RAB27A: variants seen among roughly 807,000 people sequenced by gnomAD.
The protein encoded by RAB27A is ras-related protein Rab-27A.
A neutral mutation model predicts 20.8 loss-of-function variants in RAB27A; 17 were observed. The observed-to-expected ratio is 0.82, with a 90% confidence interval of 0.56 to 1.23. The LOEUF (loss-of-function observed/expected upper bound fraction) is 1.23. Among genes scored for constraint, RAB27A ranks in the 50% most tolerant of loss-of-function variants. The probability of loss-of-function intolerance (pLI) is 0.00; values close to 1 mark genes in which losing one functional copy is unlikely to be tolerated. For synonymous variants in RAB27A, 85 were observed against 92.8 expected (o/e 0.92, Z 0.48); for missense variants, 277 against 266.7 (o/e 1.04, Z -0.27).
At chr15:55,224,122 G>T in intron 5 of RAB27A, 110 bp from the exon 6 acceptor site, 1 of 811,304 alleles carries the variant, frequency 1.2e-6, no homozygotes, top group Non-Finnish European at 2.0e-6. Context: ...TATAGATATT[G>T]GGAATTGACA....
At chr15:55,262,023 C>A (rs576125774) in intron 2 of RAB27A, among the ~76,000 whole-genome samples, 2 of 144,896 alleles carry the variant, frequency 1.4e-5, no homozygotes, top group Non-Finnish European at 1.5e-5. Flanking sequence ...GGTGACAGGG[C>A]GAGACTCCAT....
chr15:55,283,197 C>T (rs976597997), intron 1 of RAB27A, among the ~76,000 whole-genome samples: 6 of 152,080 alleles, frequency 3.9e-5, no homozygotes, highest in Non-Finnish European at 8.8e-5. Context: ...TCCCTGGCCC[C>T]CACCCACTAA....
At chr15:55,217,779 C>T (rs1378609924) in intron 6 of RAB27A, among the ~76,000 whole-genome samples, 2 of 150,600 alleles carry the variant, frequency 1.3e-5, no homozygotes, top group Non-Finnish European at 2.9e-5. Context: ...TAATGTAGCA[C>T]CACCATGGAG....
chr15:55,282,966 G>A (rs1898056125), intron 1 of RAB27A, among the ~76,000 whole-genome samples: 1 of 152,114 alleles, frequency 6.6e-6, no homozygotes, highest in Non-Finnish European at 1.5e-5. Flanking sequence ...CACATTTACT[G>A]ACTTAGAATT....
At chr15:55,288,324 C>G (rs1170367890) in intron 1 of RAB27A, among the ~76,000 whole-genome samples, 4 of 152,008 alleles carry the variant, frequency 2.6e-5, no homozygotes, top group African/African-American at 9.7e-5. Flanking sequence ...AGTTCAAGAC[C>G]AGCCTGGCCA....
chr15:55,294,589 GAAAAAAAA>G (rs1181179911), upstream of RAB27A, among the ~76,000 whole-genome samples: 7 of 29,186 alleles, frequency 2.4e-4, no homozygotes, highest in South Asian at 1.7e-3. Context: ...CCCTGTCTCC[GAAAAAAAA>G]AAAAAAAAAA....
chr15:55,246,612 GA>G (rs570539603), intron 2 of RAB27A, among the ~76,000 whole-genome samples: 59 of 137,864 alleles, frequency 4.3e-4, no homozygotes, highest in African/African-American at 6.9e-4. Flanking sequence ...TAGGGTAATA[GA>G]AAAAAAAAAA....
chr15:55,232,400 A>G (rs1324651838), intron 3 of RAB27A, among the ~76,000 whole-genome samples: 1 of 152,222 alleles, frequency 6.6e-6, no homozygotes, highest in Non-Finnish European at 1.5e-5. Context: ...TAGACACATT[A>G]TTTTAAATGT....
At chr15:55,299,066 A>C (rs2054960877) in intron 2 of RAB27A, among the ~76,000 whole-genome samples, 1 of 152,244 alleles carries the variant, frequency 6.6e-6, no homozygotes, top group South Asian at 2.1e-4. Flanking sequence ...TCCTCAGCTG[A>C]CAGGATTAAG....
At position 55,227,309 on chromosome 15, in the gene RAB27A, T is replaced by A. The variant is rs182239888; in HGVS notation, c.343+1300A>T. Among the ~76,000 whole-genome samples, 5 of 134,046 alleles carry A rather than the reference T, an allele frequency of 3.7e-5. No individual in the cohort carries two copies. The East Asian group carries it at 7.3e-4, about 20-fold the overall frequency. The allele number at this position is 134,046 out of a possible 152,430, so 87.9% of individuals were successfully genotyped here. On this transcript the variant is annotated intron_variant, in intron 5 of 6. Coordinates refer to ENST00000336787, the MANE Select transcript of RAB27A (RefSeq NM_183235.3). Reference sequence around the variant, plus strand: ...CTAAGATTCTATGCGCACTCTCTAGTGATCCTTATAAAATAGTTGATTTTA... The same window carrying A: ...CTAAGATTCTATGCGCACTCTCTAGAGATCCTTATAAAATAGTTGATTTTA...
At chr15:55,231,630 G>C (rs946278521) in intron 3 of RAB27A, among the ~76,000 whole-genome samples, 16 of 152,102 alleles carry the variant, frequency 1.1e-4, no homozygotes, top group Admixed American at 6.5e-4. Context: ...GCACAAATGT[G>C]GTTGTTGTGA....
At chr15:55,251,969 C>A (rs1425883625) in intron 2 of RAB27A, among the ~76,000 whole-genome samples, 1 of 152,132 alleles carries the variant, frequency 6.6e-6, no homozygotes, top group Non-Finnish European at 1.5e-5. Context: ...TACCTGGCTT[C>A]ATGTCAAGGC....
Position 55,234,770 on chromosome 15 carries a change from T to A in RAB27A, c.153+12A>T, listed in dbSNP as rs770930489. 1.5e-5 allele frequency: 24 copies of A among 1,602,984 alleles called. No individual in the cohort carries two copies. The highest frequency in any genetic ancestry group is 5.5e-5 in the South Asian group (5 of 90,842). ...ACGATTACATTTTTACATAGAAGGATATAGAACTTACCACTCTTTTTTCCC... is the reference window on the plus strand; with the variant it reads ...ACGATTACATTTTTACATAGAAGGAAATAGAACTTACCACTCTTTTTTCCC... On this transcript the variant is annotated intron_variant, in intron 3 of 6. Transcript: ENST00000336787.
chr15:55,316,234 CA>C (rs1186678422), intron 1 of RAB27A, among the ~76,000 whole-genome samples: 158 of 53,924 alleles, frequency 2.9e-3, no homozygotes, highest in Admixed American at 3.2e-3. Context: ...GACTCCGTCT[CA>C]AAAAAAAAAA....
chr15:55,311,595 G>T (rs1449317746), intron 2 of RAB27A, among the ~76,000 whole-genome samples: 3 of 152,138 alleles, frequency 2.0e-5, no homozygotes, highest in African/African-American at 7.2e-5. Flanking sequence ...TTAATGAAAA[G>T]AAAGTTTGTA....
At chr15:55,212,719 C>A (rs144883684) in intron 6 of RAB27A, among the ~76,000 whole-genome samples, 13 of 152,016 alleles carry the variant, frequency 8.6e-5, no homozygotes, top group African/African-American at 3.1e-4. Flanking sequence ...TTAGTACAGA[C>A]GGTGTTTCAC....
At chr15:55,223,394 A>G (rs1481250740) in intron 6 of RAB27A, among the ~76,000 whole-genome samples, 1 of 152,002 alleles carries the variant, frequency 6.6e-6, no homozygotes, top group African/African-American at 2.4e-5. Context: ...CTGTAGTCCC[A>G]GCTACTTGGG....
chr15:55,211,562 G>C (rs1400519317), intron 6 of RAB27A, among the ~76,000 whole-genome samples: 1 of 152,046 alleles, frequency 6.6e-6, no homozygotes, highest in African/African-American at 2.4e-5. Flanking sequence ...ATTGTTCCCT[G>C]TTGGTGTATA....
chr15:55,304,259 A>AGT (rs2054988183), intron 2 of RAB27A, among the ~76,000 whole-genome samples: 2 of 151,010 alleles, frequency 1.3e-5, no homozygotes. Flanking sequence ...AGATGCTTGA[A>AGT]GGCAGCATGC....
Sources: allele counts gnomAD v4.1 joint callset (sites outside exome capture counted in the v4.1 genomes callset), GRCh38; gene constraint gnomAD v4.1.1; transcripts MANE v1.5; gene names NCBI Gene and HGNC (gene_info 2026-07-23, HGNC 2026-07-21).